Variants in PIGB observed in about 807,000 individuals in gnomAD.
PIGB encodes the protein GPI alpha-1,2-mannosyltransferase 3.
Under a neutral mutation model 68.4 loss-of-function variants are expected in PIGB, and 58 were observed. That is an observed-to-expected ratio of 0.85 (90% CI 0.69 to 1.06). The LOEUF is 1.06. PIGB is among the 50% of genes least tolerant of loss of function. PIGB has a pLI of 0.00. For missense variants in PIGB, 634 were observed against 655.8 expected (o/e 0.97, Z 0.36); for synonymous variants, 219 against 220.5 (o/e 0.99, Z 0.06).
chr15:55,324,096 G>T (rs573444895), intron 3 of PIGB, among the ~76,000 whole-genome samples: 34 of 152,234 alleles, frequency 2.2e-4, no homozygotes, highest in African/African-American at 7.7e-4. Context: ...CCGTGGCCAG[G>T]CTGGACTCAA....
chr15:55,355,005 C>T (rs2056042514), intron 11 of PIGB, 27 bp downstream of exon 11: 2 of 1,571,224 alleles, frequency 1.3e-6, no homozygotes, highest in Non-Finnish European at 1.7e-6. Context: ...AAGAGGAAAA[C>T]TCAGTATTTT....
Position 55,350,847 on chromosome 15 carries a change from C to G in PIGB, c.1272C>G (p.Asn424Lys). The change falls in exon 10 of 12, where the codon AAC (asparagine) becomes AAG (lysine). Residue 424 changes from asparagine to lysine, a missense_variant. Transcript: ENST00000164305. ...GTCATATTCAAAAAGTTTGTTACAA[C>G]AATCCCAATAAATCTTCAGCTTCAA... Reference protein sequence around the residue: ...VMSHIQKVCYNNPNKSSASIF... With the variant: ...VMSHIQKVCYKNPNKSSASIF... The G allele has an allele frequency of 6.2e-7, 1 of 1,609,852 alleles. No homozygotes were observed. The highest frequency in any genetic ancestry group is 8.5e-7 in the Non-Finnish European group (1 of 1,176,334).
chr15:55,351,951 CTTTT>C (rs551615501), intron 10 of PIGB: 5 of 127,048 alleles, frequency 3.9e-5, no homozygotes, highest in African/African-American at 5.9e-5. Context: ...AACTAGACTT[CTTTT>C]TTTTTTTTTT....
chr15:55,340,675 G>T lies in PIGB; in HGVS notation c.910G>T (p.Gly304Cys). The T allele has an allele frequency of 6.2e-7, 1 of 1,612,802 alleles. No individual in the cohort carries two copies. Among genetic ancestry groups the T allele is most frequent in the Non-Finnish European group, 8.5e-7 (1 of 1,179,380 alleles). Residue 304 changes from glycine to cysteine, a missense_variant, in exon 8 of 12, where the codon GGT becomes TGT. By Grantham distance (159) the Gly-to-Cys change is radical. Transcript: ENST00000164305. ...NVLQNWGTFYGSHPWHWYFSQ... is the reference protein window; with the variant it reads ...NVLQNWGTFYCSHPWHWYFSQ... ...GCTGCAGAACTGGGGAACATTTTAT[G>T]GTTCTCATCCATGGCACTGGTACTT...
rs112474355 is a variant in PIGB, at chr15:55,333,422, C to T, written c.654-445C>T. On this transcript the variant is annotated intron_variant, in intron 5 of 11. Transcript: ENST00000164305. ...ACCAGCCTGGCCAACATGGTAAAAC[C>T]CTGTCTCCCACTAAAAATACAAAAA... Among the ~76,000 whole-genome samples the T allele has an allele frequency of 4.9e-3, 750 of 152,016 alleles. 10 individuals are homozygous for T. Among genetic ancestry groups the T allele is most frequent in the African/African-American group, 0.017 (716 of 41,470 alleles).
At chr15:55,347,978 A>G (rs910271546) in intron 9 of PIGB, among the ~76,000 whole-genome samples, 2 of 135,308 alleles carry the variant, frequency 1.5e-5, no homozygotes, top group Admixed American at 7.4e-5. Context: ...CTAGTGCCAT[A>G]GTTTCTTTTT....
At chr15:55,338,187 G>GT (rs995526959) in intron 6 of PIGB, among the ~76,000 whole-genome samples, 1 of 152,168 alleles carries the variant, frequency 6.6e-6, no homozygotes, top group Non-Finnish European at 1.5e-5. Flanking sequence ...ATATGTGTTT[G>GT]TTGGAGGCAG....
In PIGB at chr15:55,327,827, C is replaced by G. The variant is rs2055327712; in HGVS notation, c.522+192C>G. Among the ~76,000 whole-genome samples, 3 of 152,176 alleles carry G rather than the reference C, an allele frequency of 2.0e-5. No individual in the cohort carries two copies. In the South Asian group the frequency reaches 6.2e-4, roughly 31 times the overall value. On this transcript the variant is annotated intron_variant, in intron 4 of 11. Coordinates refer to ENST00000164305, the MANE Select transcript of PIGB (RefSeq NM_004855.5). ...TCTTTCCTTCGGATTAAGCCCTGCA[C>G]AGTGTAAGCCACTGATGCCCTCAAA... is the stretch of plus-strand genomic sequence containing the variant.
At chr15:55,352,860 C>T (rs1368400137) in intron 10 of PIGB, among the ~76,000 whole-genome samples, 1 of 152,158 alleles carries the variant, frequency 6.6e-6, no homozygotes, top group African/African-American at 2.4e-5. Context: ...AATTTAATTA[C>T]AGTGGTTATC....
chr15:55,319,552 C>G (rs192092990), intron 1 of PIGB, 139 bp downstream of exon 1: 30 of 618,682 alleles, frequency 4.8e-5, no homozygotes, highest in South Asian at 1.6e-4. Flanking sequence ...GCTGGAAACA[C>G]AGATTTTAAT....
intron 3 of PIGB, among the ~76,000 whole-genome samples, chr15:55,326,694 G>A (rs775200403): frequency 6.6e-6 from 1 of 151,590 alleles, no homozygotes; most frequent in Non-Finnish European, 1.5e-5. Context: ...GTGAAACCCC[G>A]TCTCTACTAA....
chr15:55,349,433 C>A (rs2055876648), intron 9 of PIGB: 1 of 152,202 alleles, frequency 6.6e-6, no homozygotes, highest in Non-Finnish European at 1.5e-5. Context: ...CTCATCTCAG[C>A]TATTTTATTT....
At position 55,346,894 on chromosome 15, in the gene PIGB, G is replaced by A. The variant is rs575061173; in HGVS notation, c.1124-3805G>A. The A allele has an allele frequency of 1.1e-4, 16 of 152,274 alleles. No homozygotes were observed. The South Asian group carries it at 3.3e-3, about 32-fold the overall frequency. The allele number at this position is 152,274 out of a possible 1,614,324, so 9.4% of individuals were successfully genotyped here. ...TTGTGGTTCACTCAGTCTAGCATTG[G>A]AACTGGAAAATCTTTCCAACCCTTC... On this transcript the variant is annotated intron_variant, in intron 9 of 11. Coordinates refer to ENST00000164305, the MANE Select transcript of PIGB (RefSeq NM_004855.5).
chr15:55,321,137 C>A, intron 2 of PIGB, 136 bp from the exon 3 acceptor site: 1 of 523,766 alleles, frequency 1.9e-6, no homozygotes, highest in Non-Finnish European at 3.2e-6. Flanking sequence ...AAGTGGTGTG[C>A]ACCTGTAGAG....
At chr15:55,327,673 T>A (rs368537374) in intron 4 of PIGB, 38 bp downstream of exon 4, 1 of 1,213,862 alleles carries the variant, frequency 8.2e-7, no homozygotes, top group Non-Finnish European at 1.2e-6. Flanking sequence ...ATGCCAGTTA[T>A]TTCGTTCCTA....
chr15:55,326,869 A>G (rs55741428), intron 3 of PIGB, among the ~76,000 whole-genome samples: 15,086 of 151,782 alleles, frequency 0.099, 1,027 homozygotes, highest in African/African-American at 0.19. Context: ...ACTTAACACA[A>G]TTAAATGACT....
At chr15:55,338,763 A>G (rs1043200925) in intron 6 of PIGB, among the ~76,000 whole-genome samples, 12 of 152,334 alleles carry the variant, frequency 7.9e-5, no homozygotes, top group African/African-American at 2.9e-4. Flanking sequence ...GTCATGAGGC[A>G]GCTTTAAGGA....
rs2056055774 is a variant in PIGB, at chr15:55,355,369, A to G, written c.1602A>G (p.Gly534=). The G allele has an allele frequency of 1.2e-6, 2 of 1,611,940 alleles. No individual in the cohort carries two copies. Among genetic ancestry groups the G allele is most frequent in the African/African-American group, 2.7e-5 (2 of 74,978 alleles). ...CTCACTTGCCAGAGGGTCGAATTGGAAGTCACATATATGTCTATGAACGGA... is the reference window on the plus strand; with the variant it reads ...CTCACTTGCCAGAGGGTCGAATTGGGAGTCACATATATGTCTATGAACGGA... The part of the protein sequence containing the change: ...FHTHLPEGRI[G]SHIYVYERKL... Residue 534 remains glycine (G), a synonymous_variant, in exon 12 of 12, where the codon GGA becomes GGG. Transcript: ENST00000164305.
Position 55,321,365 on chromosome 15 carries a change from T to C in PIGB, c.392T>C (p.Leu131Ser). The change falls in exon 3 of 12, where the codon TTA becomes TCA. Residue 131 changes from leucine to serine, a missense_variant. Physicochemically the swap from Leu to Ser is moderately radical, Grantham distance 145 (BLOSUM62 -2). Coordinates refer to ENST00000164305, the MANE Select transcript of PIGB (RefSeq NM_004855.5). ...FASIYKILHL[L>S]GKDSVQLLIW... ...AGCATTTACAAGATTCTTCATCTTT[T>C]AGGGAAAGATAGTGTTCAGTTGCTG... 1 of 1,602,740 alleles carries C rather than the reference T, an allele frequency of 6.2e-7. No homozygotes were observed. The highest frequency in any genetic ancestry group is 1.1e-5 in the South Asian group (1 of 89,124).
Sources: gnomAD v4.1 joint callset for allele counts (sites outside exome capture counted in the v4.1 genomes callset) on GRCh38, gnomAD v4.1.1 for gene constraint, MANE v1.5 for transcripts, NCBI Gene and HGNC (gene_info 2026-07-23, HGNC 2026-07-21) for gene names.